Variants in PDF observed in about 807,000 individuals in gnomAD.
The protein encoded by PDF is peptide deformylase-like protein.
Under a neutral mutation model 20.3 loss-of-function variants are expected in PDF, and 31 were observed. That is an observed-to-expected ratio of 1.52 (90% CI 1.15 to 2.06). The LOEUF (loss-of-function observed/expected upper bound fraction) is 2.06, where lower values mean the gene tolerates loss of function less well. Ranked by LOEUF, PDF falls within the 30% of genes most tolerant of loss-of-function variation. PDF has a pLI of 0.00. For synonymous variants in PDF, 254 were observed against 172.0 expected (o/e 1.48, Z -3.73); for missense variants, 447 against 362.5 (o/e 1.23, Z -1.89).
chr16:69,330,416 A>C lies in PDF; in HGVS notation c.155T>G (p.Leu52Arg). ...GGGAGGACCCAGCACCAGACGCCTC[A>C]GGTGGCGCCAATAGGAGCGCCGCAG... ...PALRRSYWRHLRRLVLGPPEP... is the reference protein window; with the variant it reads ...PALRRSYWRHRRRLVLGPPEP... The change falls in exon 1 of 2, where the codon CTG becomes CGG. Residue 52 changes from leucine (L) to arginine (R), a missense_variant. Transcript: ENST00000288022. The C allele has an allele frequency of 6.8e-7, 1 of 1,476,994 alleles. No homozygotes were observed. Among genetic ancestry groups the C allele is most frequent in the Non-Finnish European group, 8.9e-7 (1 of 1,121,930 alleles). The allele number at this position is 1,476,994 out of a possible 1,614,324, so 91.5% of individuals were successfully genotyped here. A position where few individuals can be genotyped will look rare whatever the true frequency, so the allele number is the denominator to read the frequency against.
rs1225589561 is a variant in PDF, at chr16:69,330,118, G to A, written c.453C>T (p.Arg151=). The change falls in exon 1 of 2, where the codon CGC becomes CGT. Residue 151 remains arginine (R), a synonymous_variant. Coordinates refer to ENST00000288022, the MANE Select transcript of PDF (RefSeq NM_022341.2). ...CTCGCAGGCTGGGGTTCACGAACACGCGCAGGGGGAAGGGCTCCATTTGGC... is the reference window on the plus strand; with the variant it reads ...CTCGCAGGCTGGGGTTCACGAACACACGCAGGGGGAAGGGCTCCATTTGGC... ...ALRQMEPFPL[R]VFVNPSLRVL... 1 of 1,584,362 alleles carries A rather than the reference G, an allele frequency of 6.3e-7. No individual in the cohort carries two copies. Among genetic ancestry groups the A allele is most frequent in the African/African-American group, 1.4e-5 (1 of 72,310 alleles).
In PDF at chr16:69,330,307, G is replaced by C. The variant is rs1432442459; in HGVS notation, c.264C>G (p.Gly88=). ...GCGTCAGCCGCTGCAGCTCGGGCCC[G>C]CCTAGCTGCGCCCGCTCCACCGGGG... ...VAAPVERAQL[G]GPELQRLTQR... Residue 88 remains glycine, a synonymous_variant, in exon 1 of 2, where the codon GGC becomes GGG. Coordinates refer to ENST00000288022, the MANE Select transcript of PDF (RefSeq NM_022341.2). 3.5e-6 allele frequency: 5 copies of C among 1,436,172 alleles called. No homozygotes were observed. The highest frequency in any genetic ancestry group is 4.5e-6 in the Non-Finnish European group (5 of 1,103,224). The allele number at this position is 1,436,172 out of a possible 1,614,324, so 89.0% of individuals were successfully genotyped here.
chr16:69,329,249 T>A, intron 1 of PDF, 70 bp from the exon 2 acceptor site: 1 of 1,438,954 alleles, frequency 6.9e-7, no homozygotes, highest in Non-Finnish European at 9.1e-7. Context: ...TCCCTACCCC[T>A]GCCCCCGGTC....
At position 69,327,501 on chromosome 16, in the gene PDF, G is replaced by A. The variant is rs1965634509; in HGVS notation, c.*1521C>T. On this transcript the variant is annotated 3_prime_UTR_variant, in exon 2 of 2. Coordinates refer to ENST00000288022, the MANE Select transcript of PDF (RefSeq NM_022341.2). Reference sequence around the variant, plus strand: ...TTTTCAAAGTCTGGCTGCACCTAGAGCCAGTTTGCTTCTGCTTGGCCTCAT... The same window carrying A: ...TTTTCAAAGTCTGGCTGCACCTAGAACCAGTTTGCTTCTGCTTGGCCTCAT... 1 of 151,864 alleles carries A rather than the reference G, an allele frequency of 6.6e-6. No individual in the cohort carries two copies. The highest frequency in any genetic ancestry group is 1.5e-5 in the Non-Finnish European group (1 of 68,002). 9.4% of individuals were successfully genotyped at this position (151,864 alleles called of 1,614,324 possible). A position where few individuals can be genotyped will look rare whatever the true frequency, so the allele number is the denominator to read the frequency against.
intron 1 of PDF, 118 bp downstream of exon 1, chr16:69,329,879 C>T: frequency 2.4e-6 from 3 of 1,260,520 alleles, no homozygotes; most frequent in Non-Finnish European, 3.1e-6. Context: ...CTCCCGCATC[C>T]CACTTCGCTC....
Position 69,328,854 on chromosome 16 carries a change from G to A in PDF, c.*168C>T, listed in dbSNP as rs1965685339. ...AACATTTTGTCCGTAACTGATTTCA[G>A]GGCAAACATTTCTGACATCTTCCTC... On this transcript the variant is annotated 3_prime_UTR_variant, in exon 2 of 2. Transcript: ENST00000288022. 5 of 902,016 alleles carry A rather than the reference G, an allele frequency of 5.5e-6. No individual in the cohort carries two copies. The highest frequency in any genetic ancestry group is 2.7e-5 in the East Asian group (1 of 36,546). The allele number at this position is 902,016 out of a possible 1,614,324, so 55.9% of individuals were successfully genotyped here.
chr16:69,329,614 C>G (rs1965719719), intron 1 of PDF, among the ~76,000 whole-genome samples: 1 of 152,256 alleles, frequency 6.6e-6, no homozygotes, highest in African/African-American at 2.4e-5. Flanking sequence ...GCGAGGCATC[C>G]TGTGGTACCA....
rs915173183 is a variant in PDF at position 69,330,238 on chromosome 16, T to C, written c.333A>G (p.Leu111=). ...QVMRRRRCVG[L]SAPQLGVPRQ... Reference sequence around the variant, plus strand: ...GCGGCACCCCCAGCTGCGGCGCGCTTAGGCCCACGCAGCGCCGCCGCCGCA... The same window carrying C: ...GCGGCACCCCCAGCTGCGGCGCGCTCAGGCCCACGCAGCGCCGCCGCCGCA... The change falls in exon 1 of 2, where the codon CTA becomes CTG. Residue 111 remains leucine, a synonymous_variant. Coordinates refer to ENST00000288022, the MANE Select transcript of PDF (RefSeq NM_022341.2). 15 of 1,447,602 alleles carry C rather than the reference T, an allele frequency of 1.0e-5. No homozygotes were observed. Among genetic ancestry groups the C allele is most frequent in the Non-Finnish European group, 1.3e-5 (14 of 1,109,222 alleles). 89.7% of individuals were successfully genotyped at this position (1,447,602 alleles called of 1,614,324 possible).
In PDF at chr16:69,330,571, G is replaced by A. The variant is rs2011732923; in HGVS notation, c.-1C>T. 6 of 1,458,924 alleles carry A rather than the reference G, an allele frequency of 4.1e-6. No homozygotes were observed. In the East Asian group the frequency reaches 1.4e-4, roughly 35 times the overall value. 90.4% of individuals were successfully genotyped at this position (1,458,924 alleles called of 1,614,324 possible). A position where few individuals can be genotyped will look rare whatever the true frequency, so the allele number is the denominator to read the frequency against. On this transcript the variant is annotated 5_prime_UTR_variant, in exon 1 of 2. Transcript: ENST00000288022. ...TCAGCGCGCCCCACAGCCGGGCCAT[G>A]GCGGCCCCCTTAACAGTGACCCGGC...
At position 69,329,106 on chromosome 16, in the gene PDF, C is replaced by T. The variant is rs780990048; in HGVS notation, c.648G>A (p.Met216Ile). The change falls in exon 2 of 2, where the codon ATG (methionine) becomes ATA (isoleucine). Residue 216 changes from methionine to isoleucine, a missense_variant. Physicochemically the swap from Met to Ile is conservative, Grantham distance 10. Transcript: ENST00000288022. ...TAAACAGGCAGCCCTGCAGGTGGTCCATCTCGTGCTGGATGATGCGGGCTG... is the reference window on the plus strand; with the variant it reads ...TAAACAGGCAGCCCTGCAGGTGGTCTATCTCGTGCTGGATGATGCGGGCTG... ...GWAARIIQHE[M>I]DHLQGCLFID... The T allele has an allele frequency of 1.2e-6, 2 of 1,611,772 alleles. No homozygotes were observed. Among genetic ancestry groups the T allele is most frequent in the Non-Finnish European group, 8.5e-7 (1 of 1,179,556 alleles).
rs1377783453 is a variant in PDF, at chr16:69,330,021, G to C, written c.550C>G (p.Arg184Gly). ...CCTGAGATCTGCACCGCCTGGAAGC[G>C]GGGCACGCAGGCCAGGAAGCCGGCG... is the stretch of plus-strand genomic sequence containing the variant. ...SVAGFLACVP[R>G]FQAVQISGLD... Residue 184 changes from arginine (R) to glycine (G), a missense_variant, in exon 1 of 2, where the codon CGC becomes GGC. Physicochemically the swap from Arg to Gly is moderately radical, Grantham distance 125. Coordinates refer to ENST00000288022, the MANE Select transcript of PDF (RefSeq NM_022341.2). 2.3e-5 allele frequency: 35 copies of C among 1,541,384 alleles called. No individual in the cohort carries two copies. Among genetic ancestry groups the C allele is most frequent in the East Asian group, 1.5e-4 (6 of 38,992 alleles).
chr16:69,330,279 G>T lies in PDF; in HGVS notation c.292C>A (p.Arg98=). Residue 98 remains arginine, a synonymous_variant, in exon 1 of 2, where the codon CGG becomes AGG. Transcript: ENST00000288022. Reference sequence around the variant, plus strand: ...CGCCGCCGCATCACCTGGACCAGCCGTTGCGTCAGCCGCTGCAGCTCGGGC... The same window carrying T: ...CGCCGCCGCATCACCTGGACCAGCCTTTGCGTCAGCCGCTGCAGCTCGGGC... ...GGPELQRLTQ[R]LVQVMRRRRC... is the part of the protein sequence containing the mutation. 1.4e-6 allele frequency: 2 copies of T among 1,434,376 alleles called. No individual in the cohort carries two copies. 88.9% of individuals were successfully genotyped at this position (1,434,376 alleles called of 1,614,324 possible).
rs1245488935 is a variant in PDF, at chr16:69,327,666, A to C, written c.*1356T>G. 1.3e-5 allele frequency: 2 copies of C among 152,138 alleles called. No homozygotes were observed. The highest frequency in any genetic ancestry group is 2.4e-5 in the African/African-American group (1 of 41,430). 9.4% of individuals were successfully genotyped at this position (152,138 alleles called of 1,614,324 possible). A position where few individuals can be genotyped will look rare whatever the true frequency, so the allele number is the denominator to read the frequency against. ...TTGATTTTCAGGACTCTGTTCAGCA[A>C]GAATACCTACTTTACAAAACTCAGC... On this transcript the variant is annotated 3_prime_UTR_variant, in exon 2 of 2. Coordinates refer to ENST00000288022, the MANE Select transcript of PDF (RefSeq NM_022341.2).
At chr16:69,329,900 T>G in intron 1 of PDF, 97 bp downstream of exon 1, 1 of 1,367,126 alleles carries the variant, frequency 7.3e-7, no homozygotes, top group Non-Finnish European at 9.5e-7. Flanking sequence ...CTGCGGGAGG[T>G]CCGGCGTATG....
Position 69,330,185 on chromosome 16 carries a change from T to C in PDF, c.386A>G (p.Glu129Gly), listed in dbSNP as rs1183959821. The C allele has an allele frequency of 4.0e-6, 6 of 1,487,528 alleles. No individual in the cohort carries two copies. Among genetic ancestry groups the C allele is most frequent in the Non-Finnish European group, 5.3e-6 (6 of 1,125,604 alleles). 92.1% of individuals were successfully genotyped at this position (1,487,528 alleles called of 1,614,324 possible). Residue 129 changes from glutamate (E) to glycine (G), a missense_variant, in exon 1 of 2, where the codon GAG becomes GGG. By Grantham distance (98) the Glu-to-Gly change is moderately conservative. Coordinates refer to ENST00000288022, the MANE Select transcript of PDF (RefSeq NM_022341.2). ...GGGCGGGCACTCCCGACACAGCGCC[T>C]CGGGGAGCTCCAGCGCCAGCACCTG... ...PRQVLALELP[E>G]ALCRECPPRQ...
Position 69,329,675 on chromosome 16 carries a change from C to A in PDF, c.574+322G>T, listed in dbSNP as rs966198816. Among the ~76,000 whole-genome samples, 3 of 152,254 alleles carry A rather than the reference C, an allele frequency of 2.0e-5. No homozygotes were observed. The East Asian group carries it at 5.8e-4, about 29-fold the overall frequency. ...CTGGGTCAGGCTGGCGGGGGCTAAC[C>A]CCCACTTCTCCAACTCCACCGTGGC... On this transcript the variant is annotated intron_variant, in intron 1 of 1. Coordinates refer to ENST00000288022, the MANE Select transcript of PDF (RefSeq NM_022341.2).
At position 69,329,978 on chromosome 16, in the gene PDF, C is replaced by A; in HGVS notation, c.574+19G>T. On this transcript the variant is annotated intron_variant, in intron 1 of 1. Transcript: ENST00000288022. ...GACGCGCGCGCTGCTCCAGCAGCCC[C>A]GGTCCCCGCCGCCCGCACCTGAGAT... is the stretch of plus-strand genomic sequence containing the variant. 1 of 1,510,164 alleles carries A rather than the reference C, an allele frequency of 6.6e-7. No homozygotes were observed. The highest frequency in any genetic ancestry group is 8.8e-7 in the Non-Finnish European group (1 of 1,130,938). 93.5% of individuals were successfully genotyped at this position (1,510,164 alleles called of 1,614,324 possible). A position where few individuals can be genotyped will look rare whatever the true frequency, so the allele number is the denominator to read the frequency against.
chr16:69,329,250 G>A, intron 1 of PDF, 71 bp from the exon 2 acceptor site: 1 of 1,435,002 alleles, frequency 7.0e-7, no homozygotes, highest in Admixed American at 2.9e-5. Flanking sequence ...CCCTACCCCT[G>A]CCCCCGGTCC....
rs1199741138 is a variant in PDF, at chr16:69,329,146, T to C, written c.608A>G (p.Gln203Arg). The change falls in exon 2 of 2, where the codon CAG becomes CGG. Residue 203 changes from glutamine (Q) to arginine (R), a missense_variant. Physicochemically the swap from Gln to Arg is conservative, Grantham distance 43 (BLOSUM62 1). Transcript: ENST00000288022. ...GATGCGGGCTGCCCACCCGCTCGCC[T>C]GCCACACCACCTGTTCTCCATTGGG... ...LDPNGEQVVW[Q>R]ASGWAARIIQ... 3 of 1,608,526 alleles carry C rather than the reference T, an allele frequency of 1.9e-6. No individual in the cohort carries two copies. The highest frequency in any genetic ancestry group is 2.7e-5 in the African/African-American group (2 of 74,908).
Sources: gnomAD v4.1 joint callset for allele counts (sites outside exome capture counted in the v4.1 genomes callset) on GRCh38, gnomAD v4.1.1 for gene constraint, MANE v1.5 for transcripts, NCBI Gene and HGNC (gene_info 2026-07-23, HGNC 2026-07-21) for gene names.